The following FIP1L1 variants were observed in gnomAD, a reference collection of about 807,000 sequenced individuals.
The protein encoded by FIP1L1 is factor interacting with PAPOLA and CPSF1, also known as pre-mRNA 3'-end-processing factor FIP1.
Under a neutral mutation model 84.6 loss-of-function variants are expected in FIP1L1, and 21 were observed. The observed-to-expected ratio is 0.25, with a 90% confidence interval of 0.18 to 0.36. FIP1L1 has a LOEUF of 0.36. Ranked by LOEUF, FIP1L1 falls within the 10% of genes least tolerant of loss-of-function variation. The probability of loss-of-function intolerance (pLI) is 1.00; values close to 1 mark genes in which losing one functional copy is unlikely to be tolerated. For synonymous variants in FIP1L1, 263 were observed against 242.3 expected, an observed-to-expected ratio of 1.09 and a Z score of -0.80; for missense variants, 526 against 751.1, an observed-to-expected ratio of 0.70 and a Z score of 3.50.
chr4:53,443,986 A>C (rs559641714), intron 14 of FIP1L1, 62 bp from the exon 15 acceptor site: 226 of 1,175,180 alleles, frequency 1.9e-4, no homozygotes, highest in Non-Finnish European at 2.6e-4. Context: ...CTTTTGTACT[A>C]CATTATTAAA....
At position 53,431,597 on chromosome 4, in the gene FIP1L1, A is replaced by G. The variant is rs1395985955; in HGVS notation, c.1174+3414A>G. Among the ~76,000 whole-genome samples, 4 of 110,482 alleles carry G rather than the reference A, an allele frequency of 3.6e-5. No individual in the cohort carries two copies. The East Asian group carries it at 1.1e-3, about 29-fold the overall frequency. The allele number at this position is 110,482 out of a possible 152,430, so 72.5% of individuals were successfully genotyped here. A position where few individuals can be genotyped will look rare whatever the true frequency, so the allele number is the denominator to read the frequency against. ...TGATATTTTATTCTCATATTTTAGGATGCTACTAGATTTTTGTTTTGTTTT... is the reference window on the plus strand; with the variant it reads ...TGATATTTTATTCTCATATTTTAGGGTGCTACTAGATTTTTGTTTTGTTTT... On this transcript the variant is annotated intron_variant, in intron 13 of 17. Transcript: ENST00000337488.
At chr4:53,390,025 G>A (rs1187606506) in intron 6 of FIP1L1, 152 bp downstream of exon 6, 11 of 578,002 alleles carry the variant, frequency 1.9e-5, no homozygotes, top group Admixed American at 1.9e-4. Context: ...TGCAACCTCC[G>A]TCTCCTGGGC....
intron 10 of FIP1L1, among the ~76,000 whole-genome samples, chr4:53,407,678 T>A (rs1754451676): frequency 6.6e-6 from 1 of 151,666 alleles, no homozygotes. Context: ...ACTTGCTTTA[T>A]GATTCTGGGT....
At chr4:53,414,476 T>G in intron 10 of FIP1L1, 139 bp from the exon 11 acceptor site, 1 of 543,042 alleles carries the variant, frequency 1.8e-6, no homozygotes, top group South Asian at 2.5e-5. Flanking sequence ...AGCAAGTAGT[T>G]TATATGACTT....
chr4:53,378,216 C>T lies in FIP1L1; in HGVS notation c.85+293C>T, dbSNP rs927185462. On this transcript the variant is annotated intron_variant, in intron 1 of 17. Coordinates refer to ENST00000337488, the MANE Select transcript of FIP1L1 (RefSeq NM_030917.4). ...TGTGCTTTCCCCGAGGCGTCTCGATCGCCTAGCTGCTGCGCTCTTTACCCT... is the reference window on the plus strand; with the variant it reads ...TGTGCTTTCCCCGAGGCGTCTCGATTGCCTAGCTGCTGCGCTCTTTACCCT... The T allele has an allele frequency of 1.5e-5, 5 of 326,124 alleles. No homozygotes were observed. In the Admixed American group the frequency reaches 2.5e-4, roughly 16 times the overall value. 20.2% of individuals were successfully genotyped at this position (326,124 alleles called of 1,614,324 possible). A position where few individuals can be genotyped will look rare whatever the true frequency, so the allele number is the denominator to read the frequency against.
intron 9 of FIP1L1, among the ~76,000 whole-genome samples, chr4:53,392,687 A>G (rs1196218009): frequency 6.6e-6 from 1 of 152,196 alleles, no homozygotes; most frequent in Non-Finnish European, 1.5e-5. Context: ...TAGCTTCTGT[A>G]TACTTCATTT....
intron 11 of FIP1L1, among the ~76,000 whole-genome samples, chr4:53,425,498 G>C (rs1276537220): frequency 6.6e-6 from 1 of 151,998 alleles, no homozygotes; most frequent in Non-Finnish European, 1.5e-5. Flanking sequence ...TAATAGAGCT[G>C]TAGTATGTGT....
At chr4:53,416,090 TAGAATGAAGTGTATGAGTCTTTTCAC>T (rs2149785170) in intron 11 of FIP1L1, among the ~76,000 whole-genome samples, 1 of 152,342 alleles carries the variant, frequency 6.6e-6, no homozygotes, top group African/African-American at 2.4e-5. Flanking sequence ...CTGACAAGTG[TAGAATGAAGTGTATGAGTCTTTTCAC>T]ATACAACATT....
intron 15 of FIP1L1, among the ~76,000 whole-genome samples, chr4:53,446,877 TA>T (rs1774404285): frequency 6.6e-6 from 1 of 152,056 alleles, no homozygotes; most frequent in Non-Finnish European, 1.5e-5. Flanking sequence ...CACATTTTTA[TA>T]AAAAAGTGAG....
At chr4:53,413,222 A>G (rs1278956383) in intron 10 of FIP1L1, among the ~76,000 whole-genome samples, 1 of 151,330 alleles carries the variant, frequency 6.6e-6, no homozygotes, top group African/African-American at 2.4e-5. Context: ...CTTATCTTGT[A>G]GTTTCCCTGT....
At chr4:53,407,449 A>G (rs1468497205) in intron 10 of FIP1L1, among the ~76,000 whole-genome samples, 1 of 152,104 alleles carries the variant, frequency 6.6e-6, no homozygotes, top group African/African-American at 2.4e-5. Flanking sequence ...CAGTTTTGGA[A>G]TAGGTGTGGT....
chr4:53,397,407 C>T (rs1051626111), intron 9 of FIP1L1, among the ~76,000 whole-genome samples: 5 of 152,098 alleles, frequency 3.3e-5, no homozygotes, highest in African/African-American at 9.7e-5. Flanking sequence ...CCAAAAACAC[C>T]GTTTTTATTC....
At chr4:53,388,781 A>ATTT (rs1316989357) in intron 5 of FIP1L1, among the ~76,000 whole-genome samples, 1 of 152,248 alleles carries the variant, frequency 6.6e-6, no homozygotes, top group African/African-American at 2.4e-5. Context: ...TATATAAAGA[A>ATTT]GTAAAGAACT....
At chr4:53,399,860 T>A in intron 10 of FIP1L1, 21 bp downstream of exon 10, 1 of 1,436,658 alleles carries the variant, frequency 7.0e-7, no homozygotes, top group South Asian at 1.2e-5. Context: ...TAGTTATAAC[T>A]CAATTACTGT....
chr4:53,393,640 G>A (rs1220941458), intron 9 of FIP1L1, among the ~76,000 whole-genome samples: 2 of 152,176 alleles, frequency 1.3e-5, no homozygotes, highest in African/African-American at 4.8e-5. Flanking sequence ...TAATTAGAGT[G>A]AATGGCAAGA....
Position 53,420,271 on chromosome 4 carries a change from AT to A in FIP1L1, c.923+5551del, listed in dbSNP as rs1182800328. Among the ~76,000 whole-genome samples the A allele has an allele frequency of 5.4e-5, 8 of 149,532 alleles. No individual in the cohort carries two copies. The South Asian group carries it at 1.5e-3, about 28-fold the overall frequency. On this transcript the variant is annotated intron_variant, in intron 11 of 17. Transcript: ENST00000337488. ...AAACCCTGTCTCTACTAAAAAAAAA[AT>A]TAAAAAAAAAATAGCTGGGCGTGGT... is the stretch of plus-strand genomic sequence containing the variant.
rs1213339033 is a variant in FIP1L1, at chr4:53,455,158, TG to T, written c.1499+2027del. Among the ~76,000 whole-genome samples, 8 of 152,334 alleles carry T rather than the reference TG, an allele frequency of 5.3e-5. No homozygotes were observed. In the East Asian group the frequency reaches 1.5e-3, roughly 29 times the overall value. On this transcript the variant is annotated intron_variant, in intron 16 of 17. Transcript: ENST00000337488. ...TTGGTTTAAGGGAATGTTGTGTGGC[TG>T]GTTTGTTCTTCTATCCAGACACTAA...
chr4:53,417,790 C>G (rs1302507087), intron 11 of FIP1L1, among the ~76,000 whole-genome samples: 4 of 109,950 alleles, frequency 3.6e-5, no homozygotes, highest in Admixed American at 3.4e-4. Flanking sequence ...CTCTCTCTCT[C>G]TCTCTCTCTC....
At chr4:53,420,453 AATCAG>A (rs774231083) in intron 11 of FIP1L1, among the ~76,000 whole-genome samples, 2 of 33,624 alleles carry the variant, frequency 5.9e-5, no homozygotes, top group Non-Finnish European at 1.3e-4. Flanking sequence ...AAAAAAGATA[AATCAG>A]ACACTCAGTG....
Sources: gnomAD v4.1 joint callset for allele counts (sites outside exome capture counted in the v4.1 genomes callset) on GRCh38, gnomAD v4.1.1 for gene constraint, MANE v1.5 for transcripts, NCBI Gene and HGNC (gene_info 2026-07-23, HGNC 2026-07-21) for gene names.